HEG1: variants seen among roughly 807,000 people sequenced by gnomAD.
The protein encoded by HEG1 is heart development protein with EGF like domains 1.
A neutral mutation model predicts 125.6 loss-of-function variants in HEG1; 56 were observed. The ratio of observed to expected loss-of-function variants is 0.45; its 90% CI spans 0.36 to 0.56. The LOEUF is 0.56. HEG1 is among the 20% of genes least tolerant of loss of function. The pLI is 0.00. For missense variants in HEG1, 1,523 were observed against 1,670.0 expected (o/e 0.91, Z 1.53); for synonymous variants, 644 against 668.5 (o/e 0.96, Z 0.57).
Position 125,013,372 on chromosome 3 carries a change from G to C in HEG1, c.2207C>G (p.Thr736Arg). The C allele has an allele frequency of 6.2e-7, 1 of 1,614,010 alleles. No homozygotes were observed. The highest frequency in any genetic ancestry group is 8.5e-7 in the Non-Finnish European group (1 of 1,179,886). ...GGTAGAAGATGACTGTGGCAAGGTT[G>C]TTTGTGAGACAGAAAGTGGGGCAGA... is the stretch of plus-strand genomic sequence containing the variant. ...STSAPLSVSQ[T>R]TLPQSSSTPV... The change falls in exon 6 of 17, where the codon ACA becomes AGA. Residue 736 changes from threonine to arginine, a missense_variant. Physicochemically the swap from Thr to Arg is moderately conservative, Grantham distance 71. Transcript: ENST00000311127.
At chr3:125,008,575 C>T (rs540668030) in intron 8 of HEG1, among the ~76,000 whole-genome samples, 2 of 152,306 alleles carry the variant, frequency 1.3e-5, no homozygotes, top group East Asian at 3.9e-4. Context: ...CCAAGGCAGG[C>T]AGATCACTTG....
At chr3:124,996,127 G>C (rs975740224) in intron 12 of HEG1, among the ~76,000 whole-genome samples, 6 of 151,682 alleles carry the variant, frequency 4.0e-5, no homozygotes, top group African/African-American at 1.5e-4. Context: ...TGTTGCCCAG[G>C]CTGCAGTGGT....
chr3:125,015,033 G>A, intron 5 of HEG1: 1 of 1,215,340 alleles, frequency 8.2e-7, no homozygotes, highest in Middle Eastern at 2.3e-4. Context: ...AGTGAAAGAG[G>A]ATGGCTGAAA....
intron 3 of HEG1, among the ~76,000 whole-genome samples, chr3:125,021,590 G>C (rs1169389926): frequency 6.6e-6 from 1 of 152,196 alleles, no homozygotes. Flanking sequence ...GCTGCTGCAA[G>C]GTGCCCCACC....
intron 9 of HEG1, 148 bp from the exon 10 acceptor site, chr3:125,002,463 T>C (rs1937015845): frequency 1.5e-6 from 1 of 646,652 alleles, no homozygotes; most frequent in Non-Finnish European, 2.7e-6. Flanking sequence ...TGTCCTTTTT[T>C]TGTTCCCCTC....
intron 4 of HEG1, among the ~76,000 whole-genome samples, chr3:125,020,238 C>T (rs1437496167): frequency 6.6e-6 from 1 of 152,028 alleles, no homozygotes; most frequent in South Asian, 2.1e-4. Flanking sequence ...CCAGCCTGGG[C>T]AACATTGCAA....
intron 14 of HEG1, among the ~76,000 whole-genome samples, chr3:124,978,548 A>G (rs1354361139): frequency 6.6e-6 from 1 of 152,208 alleles, no homozygotes; most frequent in Non-Finnish European, 1.5e-5. Flanking sequence ...TAGAAAGAGA[A>G]AAATAAATGT....
At chr3:125,026,220 G>A (rs1937411963) in intron 3 of HEG1, among the ~76,000 whole-genome samples, 1 of 152,214 alleles carries the variant, frequency 6.6e-6, no homozygotes, top group Admixed American at 6.5e-5. Context: ...ATGGCATGAT[G>A]TGCCCTGTGA....
At position 125,002,023 on chromosome 3, in the gene HEG1, A is replaced by G; in HGVS notation, c.3357-11T>C. Reference sequence around the variant, plus strand: ...ACCGCGTTGGACTCCCTATAGGCAAAGTTTGTGGGTTTTTAACAGCCCTGA... The same window carrying G: ...ACCGCGTTGGACTCCCTATAGGCAAGGTTTGTGGGTTTTTAACAGCCCTGA... On this transcript the variant is annotated splice_polypyrimidine_tract_variant and intron_variant, in intron 10 of 16. Transcript: ENST00000311127. The G allele has an allele frequency of 6.2e-7, 1 of 1,613,696 alleles. No homozygotes were observed. The highest frequency in any genetic ancestry group is 1.3e-5 in the African/African-American group (1 of 75,050).
At chr3:125,047,254 T>C (rs1937687013) in intron 1 of HEG1, among the ~76,000 whole-genome samples, 1 of 152,238 alleles carries the variant, frequency 6.6e-6, no homozygotes, top group Non-Finnish European at 1.5e-5. Flanking sequence ...AGGGTTGCTG[T>C]CAACACAATG....
intron 14 of HEG1, among the ~76,000 whole-genome samples, chr3:124,981,279 C>T (rs536081832): frequency 1.1e-3 from 164 of 146,600 alleles, no homozygotes; most frequent in African/African-American, 4.0e-3. Flanking sequence ...ACAGTCAACT[C>T]GACTGTGGAC....
chr3:125,002,636 A>T (rs948441930), intron 9 of HEG1, among the ~76,000 whole-genome samples: 2 of 152,220 alleles, frequency 1.3e-5, no homozygotes, highest in East Asian at 3.8e-4. Context: ...CAAACAACTC[A>T]GAGGCAACTG....
chr3:124,983,070 C>G (rs1936680598), intron 14 of HEG1, among the ~76,000 whole-genome samples: 1 of 152,190 alleles, frequency 6.6e-6, no homozygotes, highest in Admixed American at 6.5e-5. Flanking sequence ...CCTCGCTACC[C>G]CCAGCTGCTG....
At chr3:125,038,051 A>G (rs35291054) in intron 1 of HEG1, among the ~76,000 whole-genome samples, 30,717 of 152,192 alleles carry the variant, frequency 0.2, 3,440 homozygotes, top group East Asian at 0.32. Flanking sequence ...AGGGTTGTCA[A>G]CTTTTAAGAA....
rs1352745555 is a variant in HEG1 at position 125,019,443 on chromosome 3, C to T, written c.1407G>A (p.Val469=). The change falls in exon 5 of 17, where the codon GTG becomes GTA. Residue 469 remains valine (V), a synonymous_variant. Transcript: ENST00000311127. ...LLTNSTTSAD[V]TGSSASYPEG... is the part of the protein sequence containing the mutation. ...CAGGATATGAAGCAGAGCTTCCTGT[C>T]ACATCTGCAGATGTTGTGCTGTTGG... 3.1e-6 allele frequency: 5 copies of T among 1,613,892 alleles called. No homozygotes were observed. The South Asian group carries it at 5.5e-5, about 18-fold the overall frequency.
In HEG1 at chr3:125,001,851, C is replaced by T. The variant is rs1937004150; in HGVS notation, c.3517+1G>A. The T allele has an allele frequency of 6.2e-7, 1 of 1,612,094 alleles. No individual in the cohort carries two copies. The highest frequency in any genetic ancestry group is 8.5e-7 in the Non-Finnish European group (1 of 1,179,182). On this transcript the variant is annotated splice_donor_variant, in intron 11 of 16. Transcript: ENST00000311127. LOFTEE classifies it high-confidence loss of function. Reference sequence around the variant, plus strand: ...ATCCTCCCAGAGGGCTGCCCTCTTACCTCTAAAGATCCGCCTCTGAGATCC... The same window carrying T: ...ATCCTCCCAGAGGGCTGCCCTCTTATCTCTAAAGATCCGCCTCTGAGATCC...
chr3:124,983,849 G>A (rs1403644156), intron 14 of HEG1, among the ~76,000 whole-genome samples: 2 of 152,008 alleles, frequency 1.3e-5, no homozygotes, highest in African/African-American at 4.8e-5. Context: ...TCACCAAATA[G>A]TCCTCGCTAG....
rs559764516 is a variant in HEG1 at position 125,055,828 on chromosome 3, C to T, written c.63G>A (p.Leu21=). 0.019 allele frequency: 18,997 copies of T among 983,398 alleles called. 295 individuals are homozygous for T. Among genetic ancestry groups the T allele is most frequent in the South Asian group, 0.091 (2,004 of 22,084 alleles). The allele number at this position is 983,398 out of a possible 1,614,324, so 60.9% of individuals were successfully genotyped here. ...PPLLLLLLPL[L]LLPPAAPGTR... Reference sequence around the variant, plus strand: ...TCCCGGGGGCCGCCGGCGGCAGCAGCAGCAGCGGCAGCAACAGCAGCAGGA... The same window carrying T: ...TCCCGGGGGCCGCCGGCGGCAGCAGTAGCAGCGGCAGCAACAGCAGCAGGA... The change falls in exon 1 of 17, where the codon CTG becomes CTA. Residue 21 remains leucine (L), a synonymous_variant. Transcript: ENST00000311127.
intron 1 of HEG1, among the ~76,000 whole-genome samples, chr3:125,036,421 C>T (rs1937548346): frequency 6.6e-6 from 1 of 151,928 alleles, no homozygotes; most frequent in Non-Finnish European, 1.5e-5. Flanking sequence ...ATGGTTAATT[C>T]TGGGGAACAG....
Sources: allele counts gnomAD v4.1 joint callset (sites outside exome capture counted in the v4.1 genomes callset), GRCh38; gene constraint gnomAD v4.1.1; transcripts MANE v1.5; gene names NCBI Gene and HGNC (gene_info 2026-07-23, HGNC 2026-07-21).